The following IRF8 variants were observed in gnomAD, a reference collection of about 807,000 sequenced individuals.
IRF8 encodes interferon consensus sequence binding protein 1.
A neutral mutation model predicts 48.7 loss-of-function variants in IRF8; 14 were observed. That is an observed-to-expected ratio of 0.29 (90% CI 0.19 to 0.45). IRF8 has a LOEUF of 0.45. Ranked by LOEUF, IRF8 falls within the 20% of genes least tolerant of loss-of-function variation. The pLI is 1.00. For missense variants in IRF8, 493 were observed against 580.7 expected, an observed-to-expected ratio of 0.85 and a Z score of 1.55; for synonymous variants, 278 against 227.3, an observed-to-expected ratio of 1.22 and a Z score of -2.01.
At position 85,917,658 on chromosome 16, in the gene IRF8, A is replaced by G. The variant is rs950563135; in HGVS notation, c.602-759A>G. Among the ~76,000 whole-genome samples the G allele has an allele frequency of 3.9e-5, 6 of 152,242 alleles. No homozygotes were observed. In the South Asian group the frequency reaches 8.3e-4, roughly 21 times the overall value. ...AATTTGGAGCCCTAAGTTCAGTGCC[A>G]TTATTCAAAAGGGAGGTTGACAGGT... On this transcript the variant is annotated intron_variant, in intron 6 of 8. Transcript: ENST00000268638.
At position 85,922,462 on chromosome 16, in the gene IRF8, G is replaced by A. The variant is rs1000053323; in HGVS notation, c.*1180G>A. The A allele has an allele frequency of 2.6e-5, 4 of 152,334 alleles. No homozygotes were observed. The highest frequency in any genetic ancestry group is 9.7e-5 in the African/African-American group (4 of 41,444). The allele number at this position is 152,334 out of a possible 1,614,324, so 9.4% of individuals were successfully genotyped here. A position where few individuals can be genotyped will look rare whatever the true frequency, so the allele number is the denominator to read the frequency against. Reference sequence around the variant, plus strand: ...GACCTGTTTGCTGAAGTGTTCATAAGATAACAATAGGCTTGAATCTCCAAT... The same window carrying A: ...GACCTGTTTGCTGAAGTGTTCATAAAATAACAATAGGCTTGAATCTCCAAT... On this transcript the variant is annotated 3_prime_UTR_variant, in exon 9 of 9. Transcript: ENST00000268638.
At chr16:85,903,857 G>A (rs1277874572) in intron 2 of IRF8, among the ~76,000 whole-genome samples, 3 of 152,210 alleles carry the variant, frequency 2.0e-5, no homozygotes, top group Admixed American at 1.3e-4. Flanking sequence ...GAGAGGAGAA[G>A]TGACTTGTTG....
intron 5 of IRF8, chr16:85,914,063 C>G (rs1905223708): frequency 3.8e-6 from 1 of 263,790 alleles, no homozygotes; most frequent in Non-Finnish European, 7.5e-6. Context: ...GGAAAGGCAC[C>G]TCTGTCTGTG....
chr16:85,907,131 T>A (rs1226239845), intron 2 of IRF8, among the ~76,000 whole-genome samples: 1 of 152,202 alleles, frequency 6.6e-6, no homozygotes, highest in Non-Finnish European at 1.5e-5. Flanking sequence ...TACATCAATG[T>A]CACATGAGGA....
At position 85,909,125 on chromosome 16, in the gene IRF8, T is replaced by A; in HGVS notation, c.310T>A (p.Ser104Thr). ...GACGGACCGGTCCCAACTGGACATT[T>A]CCGAGCCATACAAAGTTTACCGAAT... The part of the protein sequence containing the change: ...EVTDRSQLDI[S>T]EPYKVYRIVP... The change falls in exon 3 of 9, where the codon TCC (serine) becomes ACC (threonine). Residue 104 changes from serine to threonine, a missense_variant. Physicochemically the swap from Ser to Thr is moderately conservative, Grantham distance 58. This residue lies in a region of IRF8 where 408 missense variants were observed against 449.6 expected (regional missense o/e 0.91). Transcript: ENST00000268638. The A allele has an allele frequency of 6.2e-7, 1 of 1,614,170 alleles. No homozygotes were observed. The highest frequency in any genetic ancestry group is 8.5e-7 in the Non-Finnish European group (1 of 1,180,030).
chr16:85,900,428 C>T (rs960121812), intron 1 of IRF8, among the ~76,000 whole-genome samples: 2 of 152,174 alleles, frequency 1.3e-5, no homozygotes, highest in South Asian at 2.1e-4. Context: ...TGGTGGAATT[C>T]GTTTGTTAAT....
chr16:85,905,212 T>C (rs1567470669), intron 2 of IRF8, among the ~76,000 whole-genome samples: 1 of 152,192 alleles, frequency 6.6e-6, no homozygotes, highest in Non-Finnish European at 1.5e-5. Flanking sequence ...TGTTGGGTGC[T>C]GAAGGCACAG....
intron 4 of IRF8, among the ~76,000 whole-genome samples, chr16:85,912,649 AC>A: frequency 6.6e-6 from 1 of 152,372 alleles, no homozygotes; most frequent in East Asian, 1.9e-4. Flanking sequence ...CACCGGGGTC[AC>A]AAGAAAAGCA....
chr16:85,899,981 ACTTT>A (rs1904777618), intron 1 of IRF8, among the ~76,000 whole-genome samples: 1 of 152,140 alleles, frequency 6.6e-6, no homozygotes, highest in African/African-American at 2.4e-5. Flanking sequence ...ATGGCCCCCC[ACTTT>A]CTTTTTTTAA....
intron 2 of IRF8, among the ~76,000 whole-genome samples, chr16:85,906,937 G>C (rs552565603): frequency 6.6e-6 from 1 of 152,266 alleles, no homozygotes; most frequent in South Asian, 2.1e-4. Flanking sequence ...CCACGGTGGG[G>C]AAACCCTGAT....
At chr16:85,899,725 G>C (rs140111344) in intron 1 of IRF8, among the ~76,000 whole-genome samples, 3 of 152,292 alleles carry the variant, frequency 2.0e-5, no homozygotes, top group Admixed American at 6.5e-5. Flanking sequence ...TCTGAGTCTG[G>C]CTTGAGGGCC....
At chr16:85,911,541 T>A (rs1905142094) in intron 3 of IRF8, 29 bp from the exon 4 acceptor site, 1 of 1,588,126 alleles carries the variant, frequency 6.3e-7, no homozygotes, top group Non-Finnish European at 8.6e-7. Context: ...CCGTGCCATG[T>A]GTCATGGTGT....
chr16:85,905,069 C>T (rs1271480692), intron 2 of IRF8, among the ~76,000 whole-genome samples: 1 of 152,076 alleles, frequency 6.6e-6, no homozygotes, highest in African/African-American at 2.4e-5. Context: ...AGTAGCATCC[C>T]CTCCCCTACT....
chr16:85,916,158 C>T (rs1404066343), intron 6 of IRF8, among the ~76,000 whole-genome samples: 1 of 152,190 alleles, frequency 6.6e-6, no homozygotes, highest in Non-Finnish European at 1.5e-5. Flanking sequence ...CTGTGCCGAG[C>T]ACAAATACAA....
At chr16:85,918,247 A>C in intron 6 of IRF8, 170 bp from the exon 7 acceptor site, 1 of 689,486 alleles carries the variant, frequency 1.5e-6, no homozygotes, top group Non-Finnish European at 2.4e-6. Context: ...TTATTCATGC[A>C]TATAAAAACA....
Position 85,913,193 on chromosome 16 carries a change from G to A in IRF8, c.510G>A (p.Arg170=), listed in dbSNP as rs754581193. 3.1e-6 allele frequency: 5 copies of A among 1,614,190 alleles called. No individual in the cohort carries two copies. The highest frequency in any genetic ancestry group is 4.2e-6 in the Non-Finnish European group (5 of 1,180,016). ...KRSPSPPEAC[R]SQLLPDWWAQ... ...GCCCTTCCCCGCCGGAGGCCTGTCG[G>A]AGTCAGCTCCTTCCAGACTGGTGGG... The change falls in exon 5 of 9, where the codon CGG becomes CGA. Residue 170 remains arginine, a synonymous_variant. Coordinates refer to ENST00000268638, the MANE Select transcript of IRF8 (RefSeq NM_002163.4).
chr16:85,914,607 G>T, intron 6 of IRF8, 87 bp downstream of exon 6: 1 of 1,461,684 alleles, frequency 6.8e-7, no homozygotes, highest in Non-Finnish European at 9.5e-7. Flanking sequence ...GGGTTTCGAG[G>T]ATGAGCAGGA....
rs769356293 is a variant in IRF8, at chr16:85,911,599, G to C, written c.388G>C (p.Val130Leu). Residue 130 changes from valine to leucine, a missense_variant, in exon 4 of 9, where the codon GTG becomes CTG. Val to Leu is a conservative substitution (Grantham distance 32, BLOSUM62 1). This residue lies in a region of IRF8 where 408 missense variants were observed against 449.6 expected (regional missense o/e 0.91). Coordinates refer to ENST00000268638, the MANE Select transcript of IRF8 (RefSeq NM_002163.4). ...ACTAGGCGTGGCAACTGCTGGCTGC[G>C]TGAATGAAGTTACAGAGATGGAGTG... ...CKLGVATAGC[V>L]NEVTEMECGR... is the part of the protein sequence containing the mutation. 3 of 1,614,114 alleles carry C rather than the reference G, an allele frequency of 1.9e-6. No individual in the cohort carries two copies. Among genetic ancestry groups the C allele is most frequent in the Non-Finnish European group, 2.5e-6 (3 of 1,179,958 alleles).
At chr16:85,914,630 G>C in intron 6 of IRF8, 110 bp downstream of exon 6, 1 of 1,247,042 alleles carries the variant, frequency 8.0e-7, no homozygotes, top group Non-Finnish European at 1.2e-6. Context: ...TGGTGTGGAA[G>C]TCTAGGCCTG....
Sources: gnomAD v4.1 joint callset for allele counts (sites outside exome capture counted in the v4.1 genomes callset) on GRCh38, gnomAD v4.1.1 for gene constraint, gnomAD v4.1.1 regional missense constraint, MANE v1.5 for transcripts, NCBI Gene and HGNC (gene_info 2026-07-23, HGNC 2026-07-21) for gene names.